CLINT1: variants seen among roughly 807,000 people sequenced by gnomAD.
CLINT1 encodes clathrin interacting protein localized in the trans-Golgi region.
In CLINT1, 15 loss-of-function variants were observed where a neutral mutation model predicts 70.4. That is an observed-to-expected ratio of 0.21 (90% CI 0.14 to 0.33). The LOEUF (loss-of-function observed/expected upper bound fraction) is 0.33. CLINT1 is among the 10% of genes least tolerant of loss of function. The probability of loss-of-function intolerance (pLI) is 1.00; values close to 1 mark genes in which losing one functional copy is unlikely to be tolerated. For missense variants in CLINT1, 615 were observed against 778.1 expected (o/e 0.79, Z 2.49); for synonymous variants, 227 against 254.7 (o/e 0.89, Z 1.04).
intron 1 of CLINT1, among the ~76,000 whole-genome samples, chr5:157,855,496 G>A (rs938410042): frequency 2.0e-5 from 3 of 152,252 alleles, no homozygotes; most frequent in East Asian, 1.9e-4. Flanking sequence ...GCAACTTGAC[G>A]AGTGGGAAGA....
intron 1 of CLINT1, 149 bp downstream of exon 1, chr5:157,858,781 C>T: frequency 1.3e-6 from 1 of 793,474 alleles, no homozygotes; most frequent in Non-Finnish European, 2.0e-6. Context: ...GGATGAGGCC[C>T]GGGGCCGGGA....
chr5:157,811,667 T>G (rs942463713), intron 5 of CLINT1, among the ~76,000 whole-genome samples: 3 of 152,330 alleles, frequency 2.0e-5, no homozygotes, highest in Non-Finnish European at 4.4e-5. Flanking sequence ...CAACTCTATC[T>G]TTAATACAGA....
intron 11 of CLINT1, among the ~76,000 whole-genome samples, chr5:157,788,741 GTGGATCAC>G (rs1359584680): frequency 6.6e-6 from 1 of 152,176 alleles, no homozygotes; most frequent in African/African-American, 2.4e-5. Context: ...GCCAAGGCGA[GTGGATCAC>G]TTGAGGTCAG....
chr5:157,833,212 G>A (rs753462229), intron 1 of CLINT1, among the ~76,000 whole-genome samples: 16 of 152,046 alleles, frequency 1.1e-4, no homozygotes, highest in Non-Finnish European at 2.1e-4. Flanking sequence ...TTAGCCCGGC[G>A]TGGTGGCACA....
At chr5:157,848,819 G>A (rs1229807043) in intron 1 of CLINT1, among the ~76,000 whole-genome samples, 3 of 152,018 alleles carry the variant, frequency 2.0e-5, no homozygotes, top group South Asian at 2.1e-4. Context: ...CCGCCACCAC[G>A]CCCAGCTAAT....
chr5:157,848,420 A>T (rs1020810372), intron 1 of CLINT1, among the ~76,000 whole-genome samples: 4 of 142,458 alleles, frequency 2.8e-5, no homozygotes, highest in African/African-American at 1.1e-4. Context: ...TTTTTTTTTT[A>T]TTGAGACGCA....
chr5:157,822,555 C>T (rs1012416936), intron 1 of CLINT1, among the ~76,000 whole-genome samples: 6 of 152,124 alleles, frequency 3.9e-5, no homozygotes, highest in Non-Finnish European at 5.9e-5. Flanking sequence ...GCTTCTAGAG[C>T]TATGTAAACA....
rs1753730716 is a variant in CLINT1, at chr5:157,855,516, T to A, written c.41+3414A>T. Among the ~76,000 whole-genome samples, 4 of 152,282 alleles carry A rather than the reference T, an allele frequency of 2.6e-5. No homozygotes were observed. In the South Asian group the frequency reaches 8.3e-4, roughly 32 times the overall value. ...TTGACGAGTGGGAAGATACTGGCAT[T>A]CCAAGCTCTGGCAGGCCTATGGCTT... On this transcript the variant is annotated intron_variant, in intron 1 of 11. Coordinates refer to ENST00000411809, the MANE Select transcript of CLINT1 (RefSeq NM_014666.4).
chr5:157,807,577 C>T (rs1224878071), intron 6 of CLINT1, among the ~76,000 whole-genome samples: 2 of 152,116 alleles, frequency 1.3e-5, no homozygotes, highest in Admixed American at 6.5e-5. Flanking sequence ...AAAATCTACT[C>T]TTCTCTCACA....
Position 157,805,985 on chromosome 5 carries a change from G to A in CLINT1, c.823C>T (p.His275Tyr), listed in dbSNP as rs1581490569. 1 of 1,613,976 alleles carries A rather than the reference G, an allele frequency of 6.2e-7. No individual in the cohort carries two copies. The highest frequency in any genetic ancestry group is 1.6e-4 in the Middle Eastern group (1 of 6,062). The change falls in exon 7 of 12, where the codon CAC becomes TAC. Residue 275 changes from histidine to tyrosine, a missense_variant. This residue lies in a region of CLINT1 where 241 missense variants were observed against 368.6 expected (regional missense o/e 0.65). Coordinates refer to ENST00000411809, the MANE Select transcript of CLINT1 (RefSeq NM_014666.4). ...TTGGAAGGATTTGCTGTGCGCTTGTGTCTGGTTGTGGTGGTCTCTGTGGCC... is the reference window on the plus strand; with the variant it reads ...TTGGAAGGATTTGCTGTGCGCTTGTATCTGGTTGTGGTGGTCTCTGTGGCC... Reference protein sequence around the residue: ...TQATETTTTRHKRTANPSKTI... With the variant: ...TQATETTTTRYKRTANPSKTI...
intron 10 of CLINT1, chr5:157,790,739 C>T (rs1761875980): frequency 2.4e-6 from 1 of 411,226 alleles, no homozygotes; most frequent in African/African-American, 2.1e-5. Context: ...ACCATTCAGA[C>T]ACATATTTTC....
rs769812823 is a variant in CLINT1, at chr5:157,813,222, G to A, written c.358C>T (p.His120Tyr). ...SLENYHFVDE[H>Y]GKDQGINIRQ... The stretch of plus-strand genomic sequence containing the variant: ...ATATTTATACCTTGATCCTTACCAT[G>A]CTCATCTATGAGGATGGTAAGAGAT... Residue 120 changes from histidine to tyrosine, a missense_variant, in exon 5 of 12, where the codon CAT (histidine) becomes TAT (tyrosine). Around this residue, in one of 2 missense-constraint regions of CLINT1, gnomAD observed 241 missense variants for 368.6 expected, o/e 0.65. Coordinates refer to ENST00000411809, the MANE Select transcript of CLINT1 (RefSeq NM_014666.4). The A allele has an allele frequency of 6.2e-7, 1 of 1,611,738 alleles. No individual in the cohort carries two copies. Among genetic ancestry groups the A allele is most frequent in the African/African-American group, 1.3e-5 (1 of 74,950 alleles).
In CLINT1 at chr5:157,789,523, G is replaced by C; in HGVS notation, c.1381-10C>G. On this transcript the variant is annotated splice_polypyrimidine_tract_variant and intron_variant, in intron 10 of 11. Coordinates refer to ENST00000411809, the MANE Select transcript of CLINT1 (RefSeq NM_014666.4). Reference sequence around the variant, plus strand: ...GGACCATATCTGTATTCTGATTATAGAGAGGATTAGGCTTCTGCAGCACTG... The same window carrying C: ...GGACCATATCTGTATTCTGATTATACAGAGGATTAGGCTTCTGCAGCACTG... 1.2e-6 allele frequency: 2 copies of C among 1,613,994 alleles called. No individual in the cohort carries two copies. The highest frequency in any genetic ancestry group is 1.7e-6 in the Non-Finnish European group (2 of 1,179,876).
chr5:157,829,825 G>A (rs1487383265), intron 1 of CLINT1, among the ~76,000 whole-genome samples: 3 of 150,016 alleles, frequency 2.0e-5, no homozygotes, highest in African/African-American at 7.4e-5. Context: ...CTACAGGCGT[G>A]AGCCACTGTG....
rs116469638 is a variant in CLINT1, at chr5:157,838,491, T to A, written c.41+20439A>T. 8.4e-3 allele frequency among the ~76,000 whole-genome samples: 1,280 copies of A among 152,302 alleles called. 14 individuals carry two copies. Among genetic ancestry groups the A allele is most frequent in the African/African-American group, 0.029 (1,216 of 41,520 alleles). On this transcript the variant is annotated intron_variant, in intron 1 of 11. Transcript: ENST00000411809. ...TGTGAGTAAAGCCAGCCTAAGTACA[T>A]GCTTAATACGTACATCTTAATTTTA...
At chr5:157,830,782 CTCTCTCTCTCTCTCTATATATA>C (rs1326602231) in intron 1 of CLINT1, among the ~76,000 whole-genome samples, 1 of 133,134 alleles carries the variant, frequency 7.5e-6, no homozygotes, top group Non-Finnish European at 1.6e-5. Flanking sequence ...CTCTCTCTCT[CTCTCTCTCTCTCTCTATATATA>C]TATATATATA....
intron 1 of CLINT1, among the ~76,000 whole-genome samples, chr5:157,851,456 C>A (rs184673011): frequency 7.2e-5 from 11 of 151,976 alleles, no homozygotes; most frequent in African/African-American, 2.7e-4. Context: ...TGGGAGGCCA[C>A]GGTGGGTAGA....
chr5:157,856,465 T>A lies in CLINT1; in HGVS notation c.41+2465A>T, dbSNP rs545898185. Among the ~76,000 whole-genome samples the A allele has an allele frequency of 7.2e-5, 11 of 152,348 alleles. No individual in the cohort carries two copies. In the South Asian group the frequency reaches 2.3e-3, roughly 32 times the overall value. ...TAGAAGCCCTCATTCTATTGATCCA[T>A]CTATCTGAATAGCCCTTAATCACGT... On this transcript the variant is annotated intron_variant, in intron 1 of 11. Transcript: ENST00000411809.
intron 1 of CLINT1, among the ~76,000 whole-genome samples, chr5:157,838,406 A>G (rs1763508276): frequency 6.6e-6 from 1 of 152,222 alleles, no homozygotes; most frequent in Non-Finnish European, 1.5e-5. Context: ...TACAGGCGTG[A>G]GCCACAGCAT....
Sources: allele counts gnomAD v4.1 joint callset (sites outside exome capture counted in the v4.1 genomes callset), GRCh38; gene constraint gnomAD v4.1.1; regional missense constraint gnomAD v4.1.1; transcripts MANE v1.5; gene names NCBI Gene and HGNC (gene_info 2026-07-23, HGNC 2026-07-21).